Variants in DIP2B observed in about 807,000 individuals in gnomAD.
DIP2B encodes the protein DIP2 acetate--CoA ligase B (putative).
A neutral mutation model predicts 198.0 loss-of-function variants in DIP2B; 76 were observed. The observed-to-expected ratio is 0.38, with a 90% confidence interval of 0.32 to 0.46. DIP2B has a LOEUF of 0.46. DIP2B is among the 20% of genes least tolerant of loss of function. The pLI is 0.99. For synonymous variants in DIP2B, 701 were observed against 739.1 expected (o/e 0.95, Z 0.84); for missense variants, 1,559 against 1,978.4 (o/e 0.79, Z 4.02).
At chr12:50,510,663 G>T (rs11169469) in intron 1 of DIP2B, among the ~76,000 whole-genome samples, 47,412 of 117,004 alleles carry the variant, frequency 0.41, 7,834 homozygotes, top group Middle Eastern at 0.45. Context: ...TTTTTTTTTT[G>T]AGACGGAGTT....
At chr12:50,521,272 A>G (rs572504352) in intron 1 of DIP2B, among the ~76,000 whole-genome samples, 4 of 149,888 alleles carry the variant, frequency 2.7e-5, no homozygotes, top group South Asian at 4.2e-4. Context: ...ACACCCTGCT[A>G]ATTTTTGTAT....
At chr12:50,635,433 C>T (rs1460853120) in intron 2 of DIP2B, among the ~76,000 whole-genome samples, 1 of 152,138 alleles carries the variant, frequency 6.6e-6, no homozygotes, top group Non-Finnish European at 1.5e-5. Context: ...TGTTCTTTAG[C>T]TTGCCTTGAT....
chr12:50,596,570 TAGAC>T (rs1009086557), intron 1 of DIP2B, among the ~76,000 whole-genome samples: 7 of 152,300 alleles, frequency 4.6e-5, no homozygotes, highest in Admixed American at 4.6e-4. Flanking sequence ...GGAATTAAAA[TAGAC>T]AGAATTCATG....
Position 50,530,530 on chromosome 12 carries a change from G to A in DIP2B, c.100+25290G>A, listed in dbSNP as rs184905736. 5.9e-5 allele frequency among the ~76,000 whole-genome samples: 9 copies of A among 152,290 alleles called. 1 individual carries two copies. The highest frequency in any genetic ancestry group is 2.2e-4 in the African/African-American group (9 of 41,568). ...GAGGAGAATAGTTTCAGGTTGCTGT[G>A]TCACACAACCAAGTGATACTATTTA... On this transcript the variant is annotated intron_variant, in intron 1 of 37. Transcript: ENST00000301180.
At chr12:50,511,291 A>ATTTT (rs71083581) in intron 1 of DIP2B, among the ~76,000 whole-genome samples, 18,858 of 63,328 alleles carry the variant, frequency 0.3, 6,071 homozygotes, top group Middle Eastern at 0.43. Context: ...TGTGATTTCT[A>ATTTT]TTTTTTTTTT....
rs989657986 is a variant in DIP2B at position 50,535,368 on chromosome 12, A to T, written c.100+30128A>T. 1.6e-4 allele frequency among the ~76,000 whole-genome samples: 23 copies of T among 141,850 alleles called. 1 individual carries two copies. Among genetic ancestry groups the T allele is most frequent in the Admixed American group, 9.9e-4 (14 of 14,080 alleles). The allele number at this position is 141,850 out of a possible 152,430, so 93.1% of individuals were successfully genotyped here. A position where few individuals can be genotyped will look rare whatever the true frequency, so the allele number is the denominator to read the frequency against. ...ATTGCTTGAGCCCAGGAATCAGGAA[A>T]TTTTTTTTTTTTTTTTTTGAAACAG... On this transcript the variant is annotated intron_variant, in intron 1 of 37. Coordinates refer to ENST00000301180, the MANE Select transcript of DIP2B (RefSeq NM_173602.3).
intron 1 of DIP2B, among the ~76,000 whole-genome samples, chr12:50,608,326 A>G (rs538947080): frequency 2.6e-4 from 40 of 152,330 alleles, no homozygotes; most frequent in African/African-American, 9.1e-4. Flanking sequence ...AACAGCATCT[A>G]TCAGAAATAG....
At chr12:50,599,857 A>G (rs942405587) in intron 1 of DIP2B, among the ~76,000 whole-genome samples, 3 of 152,180 alleles carry the variant, frequency 2.0e-5, no homozygotes, top group Non-Finnish European at 2.9e-5. Context: ...TGCGATGGCA[A>G]TAGGAGATTT....
rs570389569 is a variant in DIP2B at position 50,633,570 on chromosome 12, G to T, written c.173-7154G>T. 3.3e-4 allele frequency among the ~76,000 whole-genome samples: 50 copies of T among 152,286 alleles called. 1 individual carries two copies. Among genetic ancestry groups the T allele is most frequent in the African/African-American group, 1.2e-3 (50 of 41,556 alleles). ...GAGGCAGGATGATCACTTGAGACCA[G>T]CCTGGGCAACATAGTGAGACCTCAT... On this transcript the variant is annotated intron_variant, in intron 2 of 37. Coordinates refer to ENST00000301180, the MANE Select transcript of DIP2B (RefSeq NM_173602.3).
chr12:50,671,606 A>G (rs1938856343), intron 5 of DIP2B, among the ~76,000 whole-genome samples: 2 of 152,238 alleles, frequency 1.3e-5, no homozygotes, highest in Admixed American at 1.3e-4. Context: ...ATTGGTGCGT[A>G]GTTTTGCCCA....
intron 14 of DIP2B, among the ~76,000 whole-genome samples, chr12:50,694,898 T>G (rs1045902085): frequency 7.3e-5 from 11 of 150,274 alleles, no homozygotes; most frequent in African/African-American, 2.7e-4. Context: ...ATGCATAGAT[T>G]TAGCTTTAGA....
intron 1 of DIP2B, among the ~76,000 whole-genome samples, chr12:50,573,013 A>G (rs950540821): frequency 1.3e-5 from 2 of 152,238 alleles, no homozygotes; most frequent in African/African-American, 4.8e-5. Flanking sequence ...TCAGAAACTG[A>G]TCAGGCATGT....
rs1054018710 is a variant in DIP2B at position 50,663,473 on chromosome 12, G to A, written c.427+3154G>A. Among the ~76,000 whole-genome samples, 6 of 151,614 alleles carry A rather than the reference G, an allele frequency of 4.0e-5. No homozygotes were observed. The South Asian group carries it at 6.2e-4, about 16-fold the overall frequency. On this transcript the variant is annotated intron_variant, in intron 4 of 37. Coordinates refer to ENST00000301180, the MANE Select transcript of DIP2B (RefSeq NM_173602.3). ...CGGGAGGCTGAGGCAGGAGAATGGC[G>A]TGAACCTGGAAGGCAGAGCTTGCAG...
intron 21 of DIP2B, among the ~76,000 whole-genome samples, chr12:50,707,841 G>A (rs890825745): frequency 3.9e-5 from 6 of 151,926 alleles, no homozygotes; most frequent in Non-Finnish European, 8.8e-5. Flanking sequence ...GGCCTCTCAG[G>A]TCCACTGGGA....
intron 4 of DIP2B, among the ~76,000 whole-genome samples, chr12:50,664,170 C>A (rs1472506196): frequency 1.3e-5 from 2 of 152,108 alleles, no homozygotes; most frequent in African/African-American, 4.8e-5. Context: ...TTTAGAGCTG[C>A]TCTTTTTGAG....
At chr12:50,743,177 G>T (rs537880456) in intron 37 of DIP2B, among the ~76,000 whole-genome samples, 2 of 152,192 alleles carry the variant, frequency 1.3e-5, no homozygotes, top group East Asian at 3.9e-4. Flanking sequence ...CTGCCTCCTG[G>T]GTTCAAGCGA....
chr12:50,682,263 C>G (rs1939053070), intron 9 of DIP2B, among the ~76,000 whole-genome samples: 1 of 151,350 alleles, frequency 6.6e-6, no homozygotes, highest in Non-Finnish European at 1.5e-5. Context: ...CACCTATTAC[C>G]AGATGCCCTC....
At chr12:50,569,102 T>C (rs1341994837) in intron 1 of DIP2B, among the ~76,000 whole-genome samples, 1 of 152,074 alleles carries the variant, frequency 6.6e-6, no homozygotes, top group Non-Finnish European at 1.5e-5. Context: ...TTTTTTTTTT[T>C]TTTCACCACA....
Position 50,724,872 on chromosome 12 carries a change from C to A in DIP2B, c.3386C>A (p.Thr1129Asn), listed in dbSNP as rs1463419886. 1 of 1,614,012 alleles carries A rather than the reference C, an allele frequency of 6.2e-7. No homozygotes were observed. The highest frequency in any genetic ancestry group is 8.5e-7 in the Non-Finnish European group (1 of 1,180,010). Residue 1129 changes from threonine (T) to asparagine (N), a missense_variant, in exon 28 of 38, where the codon ACC becomes AAC. Thr to Asn is a moderately conservative substitution (Grantham distance 65). Transcript: ENST00000301180. ...GCTGTGGATGTGAAAACCTGGCCAA[C>A]CATCATTGACACAGGTGAAAGGGAG... The part of the protein sequence containing the change: ...AAAVDVKTWP[T>N]IIDTDDLPRK...
Sources: allele counts gnomAD v4.1 joint callset (sites outside exome capture counted in the v4.1 genomes callset), GRCh38; gene constraint gnomAD v4.1.1; transcripts MANE v1.5; gene names NCBI Gene and HGNC (gene_info 2026-07-23, HGNC 2026-07-21).